Variants in KCNT2 observed in about 807,000 individuals in gnomAD.
KCNT2 encodes potassium channel subfamily T member 2.
KCNT2 carries 67 observed loss-of-function variants against 153.8 expected under a neutral mutation model. The ratio of observed to expected loss-of-function variants is 0.44; its 90% CI spans 0.36 to 0.53. The LOEUF is 0.53. Ranked by LOEUF, KCNT2 falls within the 20% of genes least tolerant of loss-of-function variation. The pLI is 0.00. For missense variants in KCNT2, 975 were observed against 1,354.8 expected (o/e 0.72, Z 4.40); for synonymous variants, 500 against 458.8 (o/e 1.09, Z -1.15).
At position 196,258,338 on chromosome 1, in the gene KCNT2, T is replaced by C. The variant is rs1378187209; in HGVS notation, c.3067A>G (p.Arg1023Gly). The change falls in exon 26 of 28, where the codon AGA (arginine) becomes GGA (glycine). Residue 1023 changes from arginine to glycine, a missense_variant. Arg to Gly is a moderately radical substitution (Grantham distance 125, BLOSUM62 -2). This residue lies in a region of KCNT2 where 241 missense variants were observed against 271.1 expected (regional missense o/e 0.89). Transcript: ENST00000294725. ...TTACCAGAGTGTTTTGGGCCTTTTC[T>C]GCTCAGTCTTCGGGCCCACTGCATG... is the stretch of plus-strand genomic sequence containing the variant. ...KSMQWARRLS[R>G]KGPKHSGKTA... 6.2e-7 allele frequency: 1 copy of C among 1,614,094 alleles called. No individual in the cohort carries two copies. Among genetic ancestry groups the C allele is most frequent in the South Asian group, 1.1e-5 (1 of 91,082 alleles).
In KCNT2 at chr1:196,467,724, T is replaced by C; in HGVS notation, c.522A>G (p.Lys174=). The C allele has an allele frequency of 1.2e-6, 2 of 1,605,394 alleles. No homozygotes were observed. The highest frequency in any genetic ancestry group is 1.7e-6 in the Non-Finnish European group (2 of 1,173,722). ...TTACAATCATATTTTCCAAGGCATG[T>C]TTGGCAAGCCAACAGTTCAGAAAGA... is the stretch of plus-strand genomic sequence containing the variant. ...VPVFLNCWLA[K]HALENMINDL... is the part of the protein sequence containing the mutation. Residue 174 remains lysine, a synonymous_variant, in exon 7 of 28, where the codon AAA becomes AAG. Coordinates refer to ENST00000294725, the MANE Select transcript of KCNT2 (RefSeq NM_198503.5).
chr1:196,573,752 T>G (rs919887138), intron 1 of KCNT2, among the ~76,000 whole-genome samples: 27 of 152,002 alleles, frequency 1.8e-4, no homozygotes, highest in Admixed American at 1.6e-3. Context: ...TTCATGAGAT[T>G]GAATAATTTT....
At chr1:196,477,698 T>G (rs184918085) in intron 5 of KCNT2, among the ~76,000 whole-genome samples, 1 of 152,282 alleles carries the variant, frequency 6.6e-6, no homozygotes, top group Admixed American at 6.5e-5. Context: ...TTAACAAAAA[T>G]TAGTAATGAT....
At chr1:196,340,126 A>G (rs924540564) in intron 16 of KCNT2, among the ~76,000 whole-genome samples, 3 of 152,052 alleles carry the variant, frequency 2.0e-5, no homozygotes, top group Non-Finnish European at 4.4e-5. Flanking sequence ...GTAGTATTAT[A>G]GACATATGCC....
chr1:196,426,074 T>G, intron 10 of KCNT2, 86 bp from the exon 11 acceptor site: 5 of 1,028,678 alleles, frequency 4.9e-6, no homozygotes, highest in African/African-American at 1.6e-5. Flanking sequence ...TAAGAAAAAT[T>G]TGAAATATGA....
chr1:196,261,438 T>TA (rs1429186038), intron 25 of KCNT2, among the ~76,000 whole-genome samples: 1 of 151,970 alleles, frequency 6.6e-6, no homozygotes, highest in African/African-American at 2.4e-5. Flanking sequence ...AAAGGCATAG[T>TA]AAGATGTCTG....
chr1:196,288,781 C>A (rs562985433), intron 22 of KCNT2, among the ~76,000 whole-genome samples: 1 of 152,138 alleles, frequency 6.6e-6, no homozygotes, highest in South Asian at 2.1e-4. Context: ...GGAGGAAGAT[C>A]AGATCACAAG....
intron 1 of KCNT2, among the ~76,000 whole-genome samples, chr1:196,540,261 T>A (rs1359133773): frequency 1.3e-5 from 2 of 152,170 alleles, no homozygotes; most frequent in Non-Finnish European, 2.9e-5. Context: ...TTAATACTGA[T>A]GCATCATCAA....
chr1:196,420,980 G>C lies in KCNT2; in HGVS notation c.1185+2070C>G, dbSNP rs141276834. Reference sequence around the variant, plus strand: ...CTTCTAACCAGTATTCATGTATTTAGTCATACATATAACCCTACATTCAGA... The same window carrying C: ...CTTCTAACCAGTATTCATGTATTTACTCATACATATAACCCTACATTCAGA... On this transcript the variant is annotated intron_variant, in intron 12 of 27. Transcript: ENST00000294725. Among the ~76,000 whole-genome samples the C allele has an allele frequency of 7.0e-4, 107 of 152,074 alleles. 2 individuals are homozygous for C. In the East Asian group the frequency reaches 0.019, roughly 27 times the overall value.
Position 196,334,189 on chromosome 1 carries a change from G to T in KCNT2, c.1784-129C>A. 8.3e-6 allele frequency: 5 copies of T among 605,476 alleles called. No homozygotes were observed. The East Asian group carries it at 1.1e-4, about 13-fold the overall frequency. 37.5% of individuals were successfully genotyped at this position (605,476 alleles called of 1,614,324 possible). A position where few individuals can be genotyped will look rare whatever the true frequency, so the allele number is the denominator to read the frequency against. Reference sequence around the variant, plus strand: ...ATATAGAGAGAGTATATATTTATGCGTGTGGTGTATAAGTTTAGTTCTGAT... The same window carrying T: ...ATATAGAGAGAGTATATATTTATGCTTGTGGTGTATAAGTTTAGTTCTGAT... On this transcript the variant is annotated intron_variant, in intron 16 of 27. Transcript: ENST00000294725.
rs567800955 is a variant in KCNT2 at position 196,520,601 on chromosome 1, C to T, written c.96-28260G>A. Among the ~76,000 whole-genome samples, 4 of 152,102 alleles carry T rather than the reference C, an allele frequency of 2.6e-5. No homozygotes were observed. The South Asian group carries it at 8.3e-4, about 32-fold the overall frequency. On this transcript the variant is annotated intron_variant, in intron 1 of 27. Coordinates refer to ENST00000294725, the MANE Select transcript of KCNT2 (RefSeq NM_198503.5). ...CATGGTACTGGCATGAAAACAGACA[C>T]ACAGACCAATGAAACATGGTAGAGA...
intron 1 of KCNT2, among the ~76,000 whole-genome samples, chr1:196,588,241 T>A: frequency 6.7e-6 from 1 of 150,018 alleles, no homozygotes; most frequent in Non-Finnish European, 1.5e-5. Flanking sequence ...AGTGATATTC[T>A]GTAGCACTGA....
chr1:196,402,610 G>C (rs139741603), intron 12 of KCNT2, among the ~76,000 whole-genome samples: 348 of 151,652 alleles, frequency 2.3e-3, no homozygotes, highest in Non-Finnish European at 4.4e-3. Context: ...AGGAAAAACA[G>C]AGGAACCAAA....
intron 8 of KCNT2, among the ~76,000 whole-genome samples, chr1:196,442,335 A>G (rs565489903): frequency 6.6e-6 from 1 of 151,918 alleles, no homozygotes; most frequent in African/African-American, 2.4e-5. Context: ...AATGTGAAAA[A>G]GTTTTGTTCT....
chr1:196,238,453 AC>A (rs1312875297), intron 26 of KCNT2, among the ~76,000 whole-genome samples: 1 of 151,998 alleles, frequency 6.6e-6, no homozygotes, highest in East Asian at 1.9e-4. Context: ...GCTTATCAAG[AC>A]GTAGAAAGCA....
chr1:196,378,202 G>A (rs1461737558), intron 13 of KCNT2, among the ~76,000 whole-genome samples: 1 of 152,106 alleles, frequency 6.6e-6, no homozygotes, highest in African/African-American at 2.4e-5. Context: ...GTGTGCCAAA[G>A]GACATACTAT....
chr1:196,235,424 A>G (rs113577146), intron 27 of KCNT2, among the ~76,000 whole-genome samples: 2 of 151,388 alleles, frequency 1.3e-5, no homozygotes, highest in South Asian at 4.1e-4. Context: ...ACAAAGTGCT[A>G]TTATGTATTG....
intron 1 of KCNT2, among the ~76,000 whole-genome samples, chr1:196,534,360 G>T (rs945052316): frequency 1.3e-5 from 2 of 152,192 alleles, no homozygotes; most frequent in South Asian, 4.1e-4. Context: ...TGGGCCAGGT[G>T]CATTACCTTA....
intron 5 of KCNT2, among the ~76,000 whole-genome samples, chr1:196,469,786 C>T (rs1256988009): frequency 6.6e-6 from 1 of 152,166 alleles, no homozygotes; most frequent in African/African-American, 2.4e-5. Flanking sequence ...ATTAAGAGGT[C>T]ACCACTGAAA....
Sources: allele counts gnomAD v4.1 joint callset (sites outside exome capture counted in the v4.1 genomes callset), GRCh38; gene constraint gnomAD v4.1.1; regional missense constraint gnomAD v4.1.1; transcripts MANE v1.5; gene names NCBI Gene and HGNC (gene_info 2026-07-23, HGNC 2026-07-21).